Variants in EIF2S1 observed in about 807,000 individuals in gnomAD.
EIF2S1 encodes eukaryotic translation initiation factor 2 subunit alpha.
EIF2S1 carries 5 observed loss-of-function variants against 33.5 expected under a neutral mutation model. The ratio of observed to expected loss-of-function variants is 0.15; its 90% CI spans 0.08 to 0.31. EIF2S1 has a LOEUF of 0.31. Ranked by LOEUF, EIF2S1 falls within the 10% of genes least tolerant of loss-of-function variation. The pLI, the probability that EIF2S1 is intolerant of heterozygous loss-of-function variation, is 1.00. For synonymous variants in EIF2S1, 99 were observed against 127.5 expected, an observed-to-expected ratio of 0.78 and a Z score of 1.51; for missense variants, 191 against 384.6, an observed-to-expected ratio of 0.50 and a Z score of 4.21.
chr14:67,374,945 G>A (rs2085848673), intron 3 of EIF2S1, among the ~76,000 whole-genome samples: 2 of 152,156 alleles, frequency 1.3e-5, no homozygotes, highest in African/African-American at 2.4e-5. Flanking sequence ...TGGGATGAGG[G>A]TAACGGAGAC....
At chr14:67,361,359 C>A (rs1486462801) in intron 1 of EIF2S1, among the ~76,000 whole-genome samples, 1 of 152,206 alleles carries the variant, frequency 6.6e-6, no homozygotes, top group Non-Finnish European at 1.5e-5. Flanking sequence ...ATTCTTAGTT[C>A]ATCTGGTGCC....
chr14:67,366,384 T>C (rs1284786685), intron 2 of EIF2S1, among the ~76,000 whole-genome samples: 1 of 152,210 alleles, frequency 6.6e-6, no homozygotes, highest in South Asian at 2.1e-4. Context: ...CTTTTTCTAT[T>C]GTATAAAATA....
At chr14:67,377,112 C>T (rs1187652338) in intron 4 of EIF2S1, among the ~76,000 whole-genome samples, 4 of 152,140 alleles carry the variant, frequency 2.6e-5, no homozygotes, top group African/African-American at 9.7e-5. Context: ...AACCTTTTTT[C>T]TCCCTGTCTT....
At chr14:67,374,394 T>C (rs956809642) in intron 2 of EIF2S1, 74 bp from the exon 3 acceptor site, 12 of 759,560 alleles carry the variant, frequency 1.6e-5, no homozygotes, top group Admixed American at 8.4e-5. Flanking sequence ...ACACTTAATT[T>C]GGTCTTCAAA....
At chr14:67,375,991 A>G (rs751889302) in intron 3 of EIF2S1, among the ~76,000 whole-genome samples, 3 of 152,194 alleles carry the variant, frequency 2.0e-5, no homozygotes, top group Non-Finnish European at 2.9e-5. Context: ...CTTTTTGTCT[A>G]CACCCTGTTA....
chr14:67,364,678 T>G (rs2085762525), intron 1 of EIF2S1, 89 bp from the exon 2 acceptor site: 1 of 1,328,680 alleles, frequency 7.5e-7, no homozygotes, highest in Admixed American at 2.8e-5. Context: ...TTCTTCATCT[T>G]TTCTTTCAGT....
chr14:67,373,505 T>C (rs1290198645), intron 2 of EIF2S1, among the ~76,000 whole-genome samples: 2 of 152,194 alleles, frequency 1.3e-5, no homozygotes, highest in Admixed American at 1.3e-4. Context: ...CCTAATCTGA[T>C]AAAGAGTGTC....
rs2085916542 is a variant in EIF2S1 at position 67,385,455 on chromosome 14, A to ACC, written c.*2015_*2016insCC. On this transcript the variant is annotated 3_prime_UTR_variant, in exon 8 of 8. Transcript: ENST00000256383. ...ACCCTGTCTCAAAAAAAAAAAAAAA[A>ACC]ACCAAAAATCTTGAATCTCCCATCA... The ACC allele has an allele frequency of 2.1e-5, 3 of 143,090 alleles. No individual in the cohort carries two copies. Among genetic ancestry groups the ACC allele is most frequent in the East Asian group, 4.4e-4 (2 of 4,574 alleles). 8.9% of individuals were successfully genotyped at this position (143,090 alleles called of 1,614,324 possible).
chr14:67,363,149 C>T (rs930747315), intron 1 of EIF2S1, among the ~76,000 whole-genome samples: 3 of 151,976 alleles, frequency 2.0e-5, no homozygotes, highest in Non-Finnish European at 4.4e-5. Flanking sequence ...CAATTTGAAA[C>T]TTTTTAGCTC....
chr14:67,370,814 C>T (rs1422939324), intron 2 of EIF2S1, among the ~76,000 whole-genome samples: 3 of 152,006 alleles, frequency 2.0e-5, no homozygotes, highest in Non-Finnish European at 2.9e-5. Context: ...TTGCTTGAGC[C>T]CAGGAGTTCA....
At chr14:67,380,244 T>C (rs1484914714) in intron 4 of EIF2S1, among the ~76,000 whole-genome samples, 1 of 152,218 alleles carries the variant, frequency 6.6e-6, no homozygotes, top group Non-Finnish European at 1.5e-5. Context: ...CATGAAGCCC[T>C]TCCTGACCTC....
rs771749302 is a variant in EIF2S1 at position 67,382,554 on chromosome 14, T to C, written c.786T>C (p.Ile262=). The change falls in exon 7 of 8, where the codon ATT becomes ATC. Residue 262 remains isoleucine (I), a synonymous_variant. Transcript: ENST00000256383. ...CTATGGCTGTTATCAAAGAGAAGAT[T>C]GAGGAAAAGAGGGGTGTGTTCAATG... ...SQAMAVIKEK[I]EEKRGVFNVQ... is the part of the protein sequence containing the mutation. 6.2e-7 allele frequency: 1 copy of C among 1,613,852 alleles called. No individual in the cohort carries two copies. Among genetic ancestry groups the C allele is most frequent in the African/African-American group, 1.3e-5 (1 of 74,990 alleles).
At chr14:67,377,393 G>A (rs2085862645) in intron 4 of EIF2S1, among the ~76,000 whole-genome samples, 2 of 152,108 alleles carry the variant, frequency 1.3e-5, no homozygotes, top group African/African-American at 4.8e-5. Flanking sequence ...TTCAGTAGTG[G>A]CTATTTTAGA....
In EIF2S1 at chr14:67,374,767, GTTTT is replaced by G. The variant is rs1381030681; in HGVS notation, c.321+224_321+227del. 11 of 358,962 alleles carry G rather than the reference GTTTT, an allele frequency of 3.1e-5. 1 individual carries two copies. The highest frequency in any genetic ancestry group is 1.5e-3 in the Middle Eastern group (2 of 1,338). The allele number at this position is 358,962 out of a possible 1,614,324, so 22.2% of individuals were successfully genotyped here. Reference sequence around the variant, plus strand: ...GTTGGAATGCCTCATAAAATACGGGGTTTTTTTGTTTGTTTAAATAGAAATGAGG... The same window carrying G: ...GTTGGAATGCCTCATAAAATACGGGGTTTGTTTGTTTAAATAGAAATGAGG... On this transcript the variant is annotated intron_variant, in intron 3 of 7. Transcript: ENST00000256383.
At chr14:67,370,862 A>T (rs576533570) in intron 2 of EIF2S1, among the ~76,000 whole-genome samples, 1 of 152,016 alleles carries the variant, frequency 6.6e-6, no homozygotes, top group Non-Finnish European at 1.5e-5. Context: ...TCATCTCTAC[A>T]GAAAGTAGAA....
chr14:67,366,902 G>T (rs112619295), intron 2 of EIF2S1, among the ~76,000 whole-genome samples: 2,459 of 141,676 alleles, frequency 0.017, 31 homozygotes, highest in Middle Eastern at 0.087. Flanking sequence ...ACAGCTTCAA[G>T]CCAGGCAGCT....
chr14:67,375,874 T>C (rs1452255752), intron 3 of EIF2S1, among the ~76,000 whole-genome samples: 4 of 152,196 alleles, frequency 2.6e-5, no homozygotes, highest in African/African-American at 9.6e-5. Context: ...ATTGTTAAAA[T>C]GAGTGTGTTA....
chr14:67,378,880 C>T (rs2085871584), intron 4 of EIF2S1, among the ~76,000 whole-genome samples: 1 of 152,126 alleles, frequency 6.6e-6, no homozygotes. Flanking sequence ...CAGTGATAAC[C>T]ACTATTCTGA....
chr14:67,381,490 A>G (rs2085887614), intron 5 of EIF2S1, 103 bp from the exon 6 acceptor site: 4 of 831,204 alleles, frequency 4.8e-6, no homozygotes, highest in Admixed American at 4.0e-5. Flanking sequence ...TGGATTCAGT[A>G]TAAGTATTTG....
Sources: allele counts gnomAD v4.1 joint callset (sites outside exome capture counted in the v4.1 genomes callset), GRCh38; gene constraint gnomAD v4.1.1; transcripts MANE v1.5; gene names NCBI Gene and HGNC (gene_info 2026-07-23, HGNC 2026-07-21).